Variants in OR52I2 observed in about 807,000 individuals in gnomAD.
OR52I2 encodes the protein olfactory receptor 52I2.
For missense variants in OR52I2, 350 were observed against 402.4 expected (o/e 0.87, Z 1.11); for synonymous variants, 147 against 151.9 (o/e 0.97, Z 0.24).
intron 1 of OR52I2, 26 bp downstream of exon 1, chr11:4,581,890 T>G (rs1287256619): frequency 6.6e-6 from 1 of 152,088 alleles, no homozygotes; most frequent in Non-Finnish European, 1.5e-5. Context: ...GGGAATCAGG[T>G]GTTGGGCTGA....
exon 2 of OR52I2, chr11:4,589,851 T>C (rs1846337938): frequency 6.6e-6 from 1 of 152,194 alleles, no homozygotes; most frequent in Non-Finnish European, 1.5e-5. Context: ...CTTTAAGACA[T>C]TTTCATTTTG....
At chr11:4,587,401 C>T in exon 2 of OR52I2, 1 of 1,613,968 alleles carries the variant, frequency 6.2e-7, no homozygotes, top group Non-Finnish European at 8.5e-7. Flanking sequence ...GAGTCATCTA[C>T]CTTTCTGTGG....
In OR52I2 at chr11:4,587,369, TA is replaced by T; in HGVS notation, c.481del (p.Thr161LeufsTer3). 6.2e-7 allele frequency: 1 copy of T among 1,613,328 alleles called. No individual in the cohort carries two copies. On this transcript the variant is annotated frameshift_variant, in exon 2 of 2. Transcript: ENST00000641896. LOFTEE classifies it low-confidence loss of function (END_TRUNC). Reference sequence around the variant, plus strand: ...ATCACCATCAGAGCTATCATAGCCATAACTCCACTGAGTTGGATGGTGAGTC... The same window carrying T: ...ATCACCATCAGAGCTATCATAGCCATACTCCACTGAGTTGGATGGTGAGTC...
rs537937831 is a variant in OR52I2, at chr11:4,587,804, G to A, written c.914G>A (p.Arg305Gln). 3.0e-5 allele frequency: 48 copies of A among 1,614,046 alleles called. No individual in the cohort carries two copies. Among genetic ancestry groups the A allele is most frequent in the Admixed American group, 5.0e-5 (3 of 60,012 alleles). Residue 305 changes from arginine (R) to glutamine (Q), a missense_variant, in exon 2 of 2, where the codon CGG becomes CAG. Arg to Gln is a conservative substitution (Grantham distance 43). Coordinates refer to ENST00000641896, the Ensembl canonical transcript of OR52I2. Reference sequence around the variant, plus strand: ...TATGGCATGAGGACCAAACAACTGCGGGAGAGAATATGGAGTTATCTGATG... The same window carrying A: ...TATGGCATGAGGACCAAACAACTGCAGGAGAGAATATGGAGTTATCTGATG...
chr11:4,584,751 G>A lies in OR52I2; in HGVS notation c.-19-2121G>A, dbSNP rs542704824. On this transcript the variant is annotated intron_variant, in intron 1 of 1. Transcript: ENST00000641896. Reference sequence around the variant, plus strand: ...GCTCCTCATCATAGTCCAATTAGAAGAATCTTGCTGCGTATAGCCTGTGGT... The same window carrying A: ...GCTCCTCATCATAGTCCAATTAGAAAAATCTTGCTGCGTATAGCCTGTGGT... Among the ~76,000 whole-genome samples, 5 of 152,294 alleles carry A rather than the reference G, an allele frequency of 3.3e-5. No individual in the cohort carries two copies. The East Asian group carries it at 9.7e-4, about 29-fold the overall frequency.
chr11:4,592,753 T>C (rs903728409), exon 2 of OR52I2: 3 of 152,202 alleles, frequency 2.0e-5, no homozygotes, highest in Non-Finnish European at 2.9e-5. Context: ...TTATATGATA[T>C]GGTAACACCT....
exon 2 of OR52I2, chr11:4,593,105 CAT>C (rs1271506729): frequency 5.3e-5 from 8 of 152,182 alleles, no homozygotes; most frequent in Non-Finnish European, 1.2e-4. Flanking sequence ...ACACTTTTAA[CAT>C]AGTACTGGCA....
exon 2 of OR52I2, chr11:4,586,930 G>A: frequency 6.2e-7 from 1 of 1,614,112 alleles, no homozygotes; most frequent in Non-Finnish European, 8.5e-7. Flanking sequence ...GGAAACCCCT[G>A]CCTCCTTCCT....
At chr11:4,589,953 T>A (rs1232450292) in exon 2 of OR52I2, 4 of 152,226 alleles carry the variant, frequency 2.6e-5, no homozygotes, top group Non-Finnish European at 4.4e-5. Flanking sequence ...TAAGGGACTT[T>A]TCTGTGCTAG....
intron 1 of OR52I2, among the ~76,000 whole-genome samples, chr11:4,585,156 T>C (rs1846289673): frequency 1.3e-5 from 2 of 152,186 alleles, no homozygotes; most frequent in Non-Finnish European, 2.9e-5. Flanking sequence ...TTTAAGTCTA[T>C]GGGTATGAAT....
At chr11:4,582,423 AT>A (rs1230940338) in intron 1 of OR52I2, among the ~76,000 whole-genome samples, 1 of 110,814 alleles carries the variant, frequency 9.0e-6, no homozygotes, top group Non-Finnish European at 1.9e-5. Flanking sequence ...TTTTATATTT[AT>A]TTATTTTTCA....
chr11:4,586,699 G>C, intron 1 of OR52I2, 173 bp from the exon 2 acceptor site: 1 of 844,378 alleles, frequency 1.2e-6, no homozygotes, highest in Non-Finnish European at 1.8e-6. Flanking sequence ...AAATTTGGAA[G>C]GGAAGAATAT....
At chr11:4,587,267 G>A (rs139136347) in exon 2 of OR52I2, 36 of 1,613,822 alleles carry the variant, frequency 2.2e-5, no homozygotes, top group Admixed American at 8.3e-5. Context: ...GCTTTTGACC[G>A]CTATGTAGCC....
At chr11:4,589,947 G>A (rs1405024462) in exon 2 of OR52I2, 1 of 152,074 alleles carries the variant, frequency 6.6e-6, no homozygotes, top group Admixed American at 6.5e-5. Flanking sequence ...TGAAATTAAG[G>A]GACTTTTCTG....
intron 1 of OR52I2, among the ~76,000 whole-genome samples, chr11:4,583,033 G>A (rs901145110): frequency 2.6e-5 from 4 of 152,122 alleles, no homozygotes; most frequent in African/African-American, 7.2e-5. Flanking sequence ...GAAAGTGAAG[G>A]AACAGGCAGT....
chr11:4,582,845 C>T lies in OR52I2; in HGVS notation c.-20+981C>T, dbSNP rs190069995. 1.6e-3 allele frequency among the ~76,000 whole-genome samples: 238 copies of T among 152,274 alleles called. 1 individual carries two copies. Among genetic ancestry groups the T allele is most frequent in the African/African-American group, 5.3e-3 (222 of 41,548 alleles). ...GTGCTAGAAATATGTCTTAGGAGAACTTGGACAGAGCATTCTGAAAACAGT... is the reference window on the plus strand; with the variant it reads ...GTGCTAGAAATATGTCTTAGGAGAATTTGGACAGAGCATTCTGAAAACAGT... On this transcript the variant is annotated intron_variant, in intron 1 of 1. Transcript: ENST00000641896.
At chr11:4,586,116 G>A (rs769960039) in intron 1 of OR52I2, among the ~76,000 whole-genome samples, 1 of 152,132 alleles carries the variant, frequency 6.6e-6, no homozygotes, top group Non-Finnish European at 1.5e-5. Flanking sequence ...TAAGTAAATA[G>A]GATATTCAGG....
exon 2 of OR52I2, chr11:4,587,959 GGT>G (rs1376351027): frequency 6.0e-6 from 6 of 1,007,714 alleles, no homozygotes; most frequent in Non-Finnish European, 7.5e-6. Flanking sequence ...CTAAGATGAA[GGT>G]GTAAAGGATA....
chr11:4,583,018 A>C (rs1846271446), intron 1 of OR52I2, among the ~76,000 whole-genome samples: 1 of 152,208 alleles, frequency 6.6e-6, no homozygotes, highest in Non-Finnish European at 1.5e-5. Context: ...TCAAAAACAA[A>C]ACCAGAAAGT....
Sources: allele counts gnomAD v4.1 joint callset (sites outside exome capture counted in the v4.1 genomes callset), GRCh38; gene constraint gnomAD v4.1.1; transcripts MANE v1.5; gene names NCBI Gene and HGNC (gene_info 2026-07-23, HGNC 2026-07-21).